The following PDE9A variants were observed in gnomAD, a reference collection of about 807,000 sequenced individuals.
PDE9A encodes high affinity cGMP-specific 3',5'-cyclic phosphodiesterase 9A.
A neutral mutation model predicts 87.4 loss-of-function variants in PDE9A; 60 were observed. That is an observed-to-expected ratio of 0.69 (90% CI 0.56 to 0.85). The LOEUF (loss-of-function observed/expected upper bound fraction) is 0.85. Ranked by LOEUF, PDE9A falls within the 40% of genes least tolerant of loss-of-function variation. PDE9A has a pLI of 0.00. For synonymous variants in PDE9A, 272 were observed against 279.4 expected (o/e 0.97, Z 0.27); for missense variants, 665 against 779.0 (o/e 0.85, Z 1.74).
Position 42,731,882 on chromosome 21 carries a change from T to A in PDE9A, c.375T>A (p.Ser125Arg). ...EQPRREGAFESGQVEPRPREP... is the reference protein window; with the variant it reads ...EQPRREGAFERGQVEPRPREP... ...CCCGGAGGGAAGGAGCATTTGAAAG[T>A]GGACAGGTAGAGCCCAGGCCCAGAG... Residue 125 changes from serine (S) to arginine (R), a missense_variant, in exon 5 of 20, where the codon AGT becomes AGA. Physicochemically the swap from Ser to Arg is moderately radical, Grantham distance 110 (BLOSUM62 -1). Transcript: ENST00000291539. 1 of 1,614,090 alleles carries A rather than the reference T, an allele frequency of 6.2e-7. No homozygotes were observed.
At chr21:42,698,129 G>A (rs2060240972) in intron 3 of PDE9A, among the ~76,000 whole-genome samples, 1 of 152,168 alleles carries the variant, frequency 6.6e-6, no homozygotes, top group South Asian at 2.1e-4. Flanking sequence ...AAATTCATCT[G>A]CTGAGACAAA....
intron 1 of PDE9A, among the ~76,000 whole-genome samples, chr21:42,654,424 G>T (rs1030766043): frequency 6.6e-6 from 1 of 152,214 alleles, no homozygotes; most frequent in Non-Finnish European, 1.5e-5. Flanking sequence ...GAGATAGGAA[G>T]TCCCTCGAAT....
intron 18 of PDE9A, among the ~76,000 whole-genome samples, chr21:42,772,173 C>G (rs2057081374): frequency 1.3e-5 from 2 of 152,236 alleles, no homozygotes; most frequent in Admixed American, 6.5e-5. Context: ...AGGCTCTGCA[C>G]ACACCACCAG....
Position 42,770,779 on chromosome 21 carries a change from T to G in PDE9A, c.1667T>G (p.Ile556Arg), listed in dbSNP as rs1490098178. The G allele has an allele frequency of 7.4e-6, 12 of 1,613,672 alleles. No homozygotes were observed. The Admixed American group carries it at 2.0e-4, about 27-fold the overall frequency. The stretch of plus-strand genomic sequence containing the variant: ...GATCGCTACGAGGAGCTGAAGCGGA[T>G]AGATGACGCCATGAAAGAGGTAAAA... ...SRDRYEELKR[I>R]DDAMKELQKK... Residue 556 changes from isoleucine (I) to arginine (R), a missense_variant, in exon 18 of 20, where the codon ATA (isoleucine) becomes AGA (arginine). Ile to Arg is a moderately conservative substitution (Grantham distance 97). Coordinates refer to ENST00000291539, the MANE Select transcript of PDE9A (RefSeq NM_002606.3).
Position 42,711,778 on chromosome 21 carries a change from C to T in PDE9A, c.262+12767C>T, listed in dbSNP as rs141183886. Among the ~76,000 whole-genome samples the T allele has an allele frequency of 1.2e-3, 188 of 152,302 alleles. 3 individuals are homozygous for T. The highest frequency in any genetic ancestry group is 4.2e-3 in the African/African-American group (175 of 41,554). ...AGACTGCCATTCATTTTCTTCCCCA[C>T]GCTGACACCCAGCTGTTACTGCACC... On this transcript the variant is annotated intron_variant, in intron 4 of 19. Coordinates refer to ENST00000291539, the MANE Select transcript of PDE9A (RefSeq NM_002606.3).
chr21:42,740,704 GTAGATAGATAGATAGA>G (rs58108928), intron 7 of PDE9A, among the ~76,000 whole-genome samples: 5 of 133,442 alleles, frequency 3.7e-5, no homozygotes, highest in Admixed American at 7.5e-5. Flanking sequence ...TAGGTAGGTA[GTAGATAGATAGATAGA>G]TAGATAGATA....
chr21:42,767,597 G>A (rs1356504374), intron 15 of PDE9A, among the ~76,000 whole-genome samples: 1 of 152,158 alleles, frequency 6.6e-6, no homozygotes, highest in Non-Finnish European at 1.5e-5. Context: ...CCCGCAGCCC[G>A]GGGGCATGTG....
rs1247571791 is a variant in PDE9A, at chr21:42,759,797, G to GGGT, written c.898-528_898-526dup. Among the ~76,000 whole-genome samples, 1 of 149,000 alleles carries GGGT rather than the reference G, an allele frequency of 6.7e-6. No homozygotes were observed. Among genetic ancestry groups the GGGT allele is most frequent in the African/African-American group, 2.5e-5 (1 of 40,242 alleles). On this transcript the variant is annotated intron_variant, in intron 11 of 19. Coordinates refer to ENST00000291539, the MANE Select transcript of PDE9A (RefSeq NM_002606.3). This position sits in a 1 kb window ranked among gnomAD's most constrained non-coding sequence, Gnocchi z 7.2. ...TGTATCTGGATGTGGGGGTGTGTGA[G>GGGT]GGTGGATGTGTGCATGTGTGTGTGT...
At chr21:42,672,238 G>A (rs1172157018) in intron 1 of PDE9A, among the ~76,000 whole-genome samples, 2 of 152,222 alleles carry the variant, frequency 1.3e-5, no homozygotes, top group Middle Eastern at 3.2e-3. Flanking sequence ...CACAGCTGAA[G>A]GTCTGACTTA....
chr21:42,716,100 T>C (rs1393171216), intron 4 of PDE9A, among the ~76,000 whole-genome samples: 2 of 151,924 alleles, frequency 1.3e-5, no homozygotes, highest in Non-Finnish European at 2.9e-5. Flanking sequence ...TTCCATGGTC[T>C]GTATGTATCA....
chr21:42,754,164 T>C, intron 10 of PDE9A, 100 bp downstream of exon 10: 1 of 666,034 alleles, frequency 1.5e-6, no homozygotes, highest in South Asian at 1.7e-5. Context: ...CTTCTTGCTT[T>C]TTCCTCTTCT....
chr21:42,735,332 G>C (rs1375694811), intron 7 of PDE9A, among the ~76,000 whole-genome samples: 5 of 152,206 alleles, frequency 3.3e-5, no homozygotes, highest in Non-Finnish European at 7.3e-5. Context: ...ACAGAGCCAG[G>C]CCGCGCACCC....
At chr21:42,735,599 T>C (rs897096179) in intron 7 of PDE9A, among the ~76,000 whole-genome samples, 7 of 152,146 alleles carry the variant, frequency 4.6e-5, no homozygotes, top group Non-Finnish European at 1.5e-5. Context: ...GAAGGCTACA[T>C]TGCTATAATC....
chr21:42,653,994 C>A, intron 1 of PDE9A, 111 bp downstream of exon 1: 1 of 355,166 alleles, frequency 2.8e-6, no homozygotes. Flanking sequence ...CTGCGGCCTC[C>A]GTGCGCTCCG....
At chr21:42,673,674 G>A (rs1270437063) in intron 1 of PDE9A, among the ~76,000 whole-genome samples, 2 of 152,196 alleles carry the variant, frequency 1.3e-5, no homozygotes, top group South Asian at 2.1e-4. Context: ...TTGGATTTGG[G>A]GGTTCGAGGT....
intron 2 of PDE9A, among the ~76,000 whole-genome samples, chr21:42,686,847 T>A (rs192084943): frequency 6.6e-6 from 1 of 151,744 alleles, no homozygotes; most frequent in South Asian, 2.1e-4. Flanking sequence ...AGAGTGTGGG[T>A]TTTTTCCTCT....
chr21:42,663,373 TCAG>T (rs1486069723), intron 1 of PDE9A, among the ~76,000 whole-genome samples: 2 of 152,014 alleles, frequency 1.3e-5, no homozygotes, highest in Admixed American at 1.3e-4. Context: ...GACAGAGAAG[TCAG>T]CAGAGCCCCT....
chr21:42,679,950 C>T (rs1275664265), intron 1 of PDE9A, among the ~76,000 whole-genome samples: 1 of 152,242 alleles, frequency 6.6e-6, no homozygotes, highest in Non-Finnish European at 1.5e-5. Context: ...ATCTGCGTTG[C>T]TGCAGAGGCC....
chr21:42,722,335 G>T lies in PDE9A; in HGVS notation c.263-9435G>T, dbSNP rs2050620444. Among the ~76,000 whole-genome samples, 1 of 152,166 alleles carries T rather than the reference G, an allele frequency of 6.6e-6. No homozygotes were observed. The highest frequency in any genetic ancestry group is 6.5e-5 in the Admixed American group (1 of 15,280). ...CTGCTAAGTATGTATTCACCGGAGG[G>T]TGCTCAGCACCTCGCCCTGTTGCTC... On this transcript the variant is annotated intron_variant, in intron 4 of 19. Transcript: ENST00000291539. The surrounding 1 kb of genome is among the most constrained non-coding windows in gnomAD (Gnocchi z 4.1).
Sources: allele counts gnomAD v4.1 joint callset (sites outside exome capture counted in the v4.1 genomes callset), GRCh38; gene constraint gnomAD v4.1.1; non-coding constraint Gnocchi (gnomAD v3.1); transcripts MANE v1.5; gene names NCBI Gene and HGNC (gene_info 2026-07-23, HGNC 2026-07-21).